Variants in IMMP2L observed in about 807,000 individuals in gnomAD.
IMMP2L encodes the protein mitochondrial inner membrane protease subunit 2.
IMMP2L carries 18 observed loss-of-function variants against 19.3 expected under a neutral mutation model. That is an observed-to-expected ratio of 0.93 (90% CI 0.64 to 1.38). The LOEUF (loss-of-function observed/expected upper bound fraction) is 1.38. Among genes scored for constraint, IMMP2L ranks in the 40% most tolerant of loss-of-function variants. The pLI is 0.00. For synonymous variants in IMMP2L, 76 were observed against 73.0 expected (o/e 1.04, Z -0.21); for missense variants, 233 against 218.2 (o/e 1.07, Z -0.43).
At chr7:111,253,175 T>C (rs1369528050) in intron 3 of IMMP2L, among the ~76,000 whole-genome samples, 1 of 152,174 alleles carries the variant, frequency 6.6e-6, no homozygotes, top group African/African-American at 2.4e-5. Flanking sequence ...CATCTGTTAT[T>C]CCTCCATTAA....
At chr7:111,339,014 C>T (rs1202957039) in intron 3 of IMMP2L, among the ~76,000 whole-genome samples, 3 of 152,046 alleles carry the variant, frequency 2.0e-5, no homozygotes, top group African/African-American at 7.2e-5. Context: ...TTTGTACAAA[C>T]GATTCTTCCT....
At chr7:111,391,709 A>AT in intron 3 of IMMP2L, 2 of 506,948 alleles carry the variant, frequency 3.9e-6, no homozygotes, top group Non-Finnish European at 7.0e-6. Context: ...AAAGATGCAA[A>AT]TTTTTTAAAA....
At chr7:111,025,887 G>A (rs560483535) in intron 3 of IMMP2L, among the ~76,000 whole-genome samples, 28 of 152,164 alleles carry the variant, frequency 1.8e-4, no homozygotes, top group African/African-American at 6.7e-4. Flanking sequence ...GAATTCAGGT[G>A]GCTTTTTCTC....
chr7:110,917,002 C>T (rs1813683917), intron 4 of IMMP2L, among the ~76,000 whole-genome samples: 1 of 152,100 alleles, frequency 6.6e-6, no homozygotes, highest in South Asian at 2.1e-4. Flanking sequence ...AAAAGGGCCT[C>T]TATAGGTGTA....
chr7:110,700,684 G>C (rs570457966), intron 5 of IMMP2L, among the ~76,000 whole-genome samples: 16 of 152,166 alleles, frequency 1.1e-4, no homozygotes, highest in Non-Finnish European at 2.2e-4. Context: ...ACTCTAACTT[G>C]AGGTTAGCAT....
At chr7:110,796,134 C>A (rs1294252485) in intron 5 of IMMP2L, among the ~76,000 whole-genome samples, 1 of 152,020 alleles carries the variant, frequency 6.6e-6, no homozygotes, top group African/African-American at 2.4e-5. Context: ...GTGTTTGTTT[C>A]TCCTTCCACC....
chr7:110,818,815 A>G lies in IMMP2L; in HGVS notation c.408+67778T>C, dbSNP rs1301536198. Among the ~76,000 whole-genome samples the G allele has an allele frequency of 2.6e-5, 4 of 152,008 alleles. No homozygotes were observed. In the South Asian group the frequency reaches 8.3e-4, roughly 32 times the overall value. On this transcript the variant is annotated intron_variant, in intron 5 of 5. Transcript: ENST00000405709. ...ATGAGTTCATGTCCTTTGTAGGGAC[A>G]TGGATGAAGGTGGAAACCATCATTC...
chr7:110,963,691 G>A (rs1236985705), intron 3 of IMMP2L, 126 bp from the exon 4 acceptor site: 1 of 460,128 alleles, frequency 2.2e-6, no homozygotes, highest in Non-Finnish European at 3.8e-6. Context: ...CCCATGACAT[G>A]ACATCAGTCT....
chr7:110,888,227 T>C (rs1810433364), intron 4 of IMMP2L, among the ~76,000 whole-genome samples: 1 of 152,196 alleles, frequency 6.6e-6, no homozygotes, highest in African/African-American at 2.4e-5. Context: ...TACCATCATA[T>C]ACTCTGTAAT....
intron 3 of IMMP2L, among the ~76,000 whole-genome samples, chr7:111,120,849 G>C (rs1800511045): frequency 6.6e-6 from 1 of 151,734 alleles, no homozygotes; most frequent in African/African-American, 2.4e-5. Context: ...TGTCTCCTGG[G>C]AACCTGTTGA....
At chr7:111,177,454 T>A (rs1228772319) in intron 3 of IMMP2L, among the ~76,000 whole-genome samples, 2 of 152,116 alleles carry the variant, frequency 1.3e-5, no homozygotes, top group African/African-American at 4.8e-5. Flanking sequence ...GTGTTATGAT[T>A]ACAGGCATTA....
At chr7:110,831,060 G>T (rs1440936636) in intron 5 of IMMP2L, among the ~76,000 whole-genome samples, 1 of 152,106 alleles carries the variant, frequency 6.6e-6, no homozygotes, top group East Asian at 1.9e-4. Flanking sequence ...CATTTGGATT[G>T]CTGGACAAAT....
intron 3 of IMMP2L, among the ~76,000 whole-genome samples, chr7:111,156,385 T>C (rs549209112): frequency 1.6e-4 from 25 of 152,288 alleles, no homozygotes; most frequent in African/African-American, 6.0e-4. Context: ...TACTTTACTT[T>C]CTAAATATTA....
At chr7:111,476,846 C>G (rs1239024365) in intron 3 of IMMP2L, among the ~76,000 whole-genome samples, 1 of 152,128 alleles carries the variant, frequency 6.6e-6, no homozygotes, top group Non-Finnish European at 1.5e-5. Context: ...CTAACTACTA[C>G]TTCTGCCTCT....
At chr7:111,328,244 G>A (rs1187475531) in intron 3 of IMMP2L, among the ~76,000 whole-genome samples, 1 of 151,560 alleles carries the variant, frequency 6.6e-6, no homozygotes, top group Non-Finnish European at 1.5e-5. Context: ...CCCAGTGGCA[G>A]GTTACAAAGG....
intron 3 of IMMP2L, among the ~76,000 whole-genome samples, chr7:111,089,368 T>A (rs1796619312): frequency 2.6e-5 from 4 of 152,102 alleles, no homozygotes; most frequent in South Asian, 2.1e-4. Flanking sequence ...TACCAATCAA[T>A]GAAAATTAAT....
intron 3 of IMMP2L, among the ~76,000 whole-genome samples, chr7:111,040,214 T>A (rs1441796437): frequency 6.6e-6 from 1 of 152,170 alleles, no homozygotes; most frequent in East Asian, 1.9e-4. Flanking sequence ...ATTTCTGTGA[T>A]TAAAAAATTA....
chr7:110,962,886 G>A (rs1036541817), intron 4 of IMMP2L: 12 of 1,320,184 alleles, frequency 9.1e-6, no homozygotes, highest in East Asian at 5.7e-5. Context: ...TAAAGAAAGC[G>A]ATCACAATGA....
At chr7:111,338,574 A>G (rs1826693923) in intron 3 of IMMP2L, among the ~76,000 whole-genome samples, 1 of 152,112 alleles carries the variant, frequency 6.6e-6, no homozygotes, top group African/African-American at 2.4e-5. Flanking sequence ...CCTACTTGGG[A>G]GTTAGTTTAG....
Sources: allele counts gnomAD v4.1 joint callset (sites outside exome capture counted in the v4.1 genomes callset), GRCh38; gene constraint gnomAD v4.1.1; transcripts MANE v1.5; gene names NCBI Gene and HGNC (gene_info 2026-07-23, HGNC 2026-07-21).